ERP44: variants seen among roughly 807,000 people sequenced by gnomAD.
The protein encoded by ERP44 is endoplasmic reticulum protein 44, also known as endoplasmic reticulum resident protein 44.
Under a neutral mutation model 53.4 loss-of-function variants are expected in ERP44, and 25 were observed. That is an observed-to-expected ratio of 0.47 (90% confidence interval 0.34 to 0.65). The LOEUF (loss-of-function observed/expected upper bound fraction) is 0.65, where lower values mean the gene tolerates loss of function less well. ERP44 is among the 30% of genes least tolerant of loss of function. The pLI is 0.01. For synonymous variants in ERP44, 145 were observed against 161.2 expected, an observed-to-expected ratio of 0.90 and a Z score of 0.76; for missense variants, 338 against 493.2, an observed-to-expected ratio of 0.69 and a Z score of 2.98.
intron 1 of ERP44, among the ~76,000 whole-genome samples, chr9:100,064,870 T>C (rs1034856784): frequency 1.3e-5 from 2 of 152,212 alleles, no homozygotes; most frequent in Admixed American, 1.3e-4. Context: ...AATGAGGTTA[T>C]AAAGAAAGAT....
intron 8 of ERP44, among the ~76,000 whole-genome samples, chr9:100,014,988 C>T (rs1457341160): frequency 1.3e-5 from 2 of 152,190 alleles, no homozygotes; most frequent in East Asian, 1.9e-4. Context: ...CTGCCTACTT[C>T]TCATTGTATC....
intron 1 of ERP44, among the ~76,000 whole-genome samples, chr9:100,082,885 T>G (rs1015883954): frequency 4.6e-5 from 7 of 152,110 alleles, no homozygotes; most frequent in Non-Finnish European, 8.8e-5. Context: ...ATATAAAGAT[T>G]TACATATTTC....
chr9:100,069,076 C>T (rs1826270141), intron 1 of ERP44, among the ~76,000 whole-genome samples: 1 of 152,010 alleles, frequency 6.6e-6, no homozygotes, highest in Admixed American at 6.6e-5. Flanking sequence ...CTTTGTTAAA[C>T]AGATGCTTGA....
intron 10 of ERP44, among the ~76,000 whole-genome samples, chr9:99,992,618 G>C (rs1490063461): frequency 6.6e-6 from 1 of 152,166 alleles, no homozygotes; most frequent in Admixed American, 6.5e-5. Context: ...AGACAGGGAT[G>C]CCCTCTCTCA....
intron 4 of ERP44, among the ~76,000 whole-genome samples, chr9:100,032,812 G>T (rs199689549): frequency 1.3e-5 from 2 of 152,164 alleles, no homozygotes; most frequent in East Asian, 3.9e-4. Context: ...CTTGAATGCA[G>T]GTTTCTGATC....
intron 2 of ERP44, among the ~76,000 whole-genome samples, chr9:100,059,795 T>C (rs1471665015): frequency 6.6e-6 from 1 of 152,110 alleles, no homozygotes. Context: ...GAAAAAAAAG[T>C]CTAGGCTGTG....
intron 1 of ERP44, 42 bp from the exon 2 acceptor site, chr9:100,060,214 AAAGAC>A (rs1564100197): frequency 7.1e-7 from 1 of 1,410,046 alleles, no homozygotes; most frequent in East Asian, 2.8e-5. Context: ...TGTGTCCACA[AAAGAC>A]AAATACGTAA....
chr9:99,999,524 A>G (rs1830355843), intron 10 of ERP44, among the ~76,000 whole-genome samples: 1 of 152,078 alleles, frequency 6.6e-6, no homozygotes, highest in African/African-American at 2.4e-5. Flanking sequence ...ACCCATTTTC[A>G]ATCAGGTTGT....
intron 1 of ERP44, among the ~76,000 whole-genome samples, chr9:100,080,566 AG>A (rs1826411630): frequency 6.6e-6 from 1 of 152,140 alleles, no homozygotes; most frequent in Non-Finnish European, 1.5e-5. Context: ...TAGTATAAAA[AG>A]TACATAATAT....
intron 1 of ERP44, among the ~76,000 whole-genome samples, chr9:100,066,438 G>A (rs971068423): frequency 6.6e-6 from 1 of 152,178 alleles, no homozygotes; most frequent in African/African-American, 2.4e-5. Context: ...CTTTCCCTGT[G>A]GCATTACTGT....
At chr9:100,079,682 C>T (rs113143279) in intron 1 of ERP44, among the ~76,000 whole-genome samples, 1 of 152,124 alleles carries the variant, frequency 6.6e-6, no homozygotes, top group African/African-American at 2.4e-5. Context: ...GTGGCTCATG[C>T]CTATAATCCC....
At chr9:100,090,184 A>C (rs181463590) in intron 1 of ERP44, among the ~76,000 whole-genome samples, 2 of 152,194 alleles carry the variant, frequency 1.3e-5, no homozygotes, top group African/African-American at 4.8e-5. Context: ...AAAAGTAGCT[A>C]TTCTTTATTC....
At chr9:99,989,000 C>G (rs889117838) in intron 10 of ERP44, among the ~76,000 whole-genome samples, 1 of 152,218 alleles carries the variant, frequency 6.6e-6, no homozygotes, top group Non-Finnish European at 1.5e-5. Context: ...CCTGCCATTG[C>G]TGAGGCTTGA....
chr9:100,049,176 G>A (rs1339942297), intron 4 of ERP44, among the ~76,000 whole-genome samples: 3 of 152,078 alleles, frequency 2.0e-5, no homozygotes, highest in African/African-American at 4.8e-5. Flanking sequence ...TTCAGAAGCC[G>A]AGGAGGAACA....
chr9:100,008,326 T>C (rs1057295455), intron 8 of ERP44, among the ~76,000 whole-genome samples: 11 of 152,176 alleles, frequency 7.2e-5, no homozygotes, highest in Non-Finnish European at 1.5e-5. Context: ...TACCTCTTTA[T>C]TTATACACAC....
chr9:100,098,617 C>A (rs1484827381), intron 1 of ERP44, among the ~76,000 whole-genome samples, 167 bp downstream of exon 1: 2 of 152,218 alleles, frequency 1.3e-5, no homozygotes, highest in Non-Finnish European at 2.9e-5. Context: ...TCGGGGACTC[C>A]GCGCCTGGAA....
intron 10 of ERP44, among the ~76,000 whole-genome samples, chr9:99,986,191 T>G (rs1248696084): frequency 6.6e-6 from 1 of 152,236 alleles, no homozygotes. Context: ...GTGAGCAAAT[T>G]ATACCTATAA....
At chr9:100,014,213 G>A (rs1830505880) in intron 8 of ERP44, among the ~76,000 whole-genome samples, 1 of 152,186 alleles carries the variant, frequency 6.6e-6, no homozygotes, top group Non-Finnish European at 1.5e-5. Context: ...TATAGCCATG[G>A]GTCAAATCTG....
At chr9:100,042,527 C>G (rs7026529) in intron 4 of ERP44, among the ~76,000 whole-genome samples, 2 of 151,938 alleles carry the variant, frequency 1.3e-5, no homozygotes, top group Non-Finnish European at 2.9e-5. Flanking sequence ...AAAAATAGAA[C>G]GACCATATGA....
Sources: gnomAD v4.1 joint callset for allele counts (sites outside exome capture counted in the v4.1 genomes callset) on GRCh38, gnomAD v4.1.1 for gene constraint, MANE v1.5 for transcripts, NCBI Gene and HGNC (gene_info 2026-07-23, HGNC 2026-07-21) for gene names.